The following NXPH1 variants were observed in gnomAD, a reference collection of about 807,000 sequenced individuals.
NXPH1 encodes the protein neurexophilin-1.
NXPH1 carries 5 observed loss-of-function variants against 23.7 expected under a neutral mutation model. The observed-to-expected ratio is 0.21, with a 90% CI of 0.11 to 0.44. The LOEUF is 0.44. NXPH1 is among the 20% of genes least tolerant of loss of function. NXPH1 has a pLI of 0.99. For missense variants in NXPH1, 324 were observed against 321.6 expected, an observed-to-expected ratio of 1.01 and a Z score of -0.06; for synonymous variants, 144 against 122.2, an observed-to-expected ratio of 1.18 and a Z score of -1.18.
chr7:8,646,189 C>A (rs1042467909), intron 2 of NXPH1, among the ~76,000 whole-genome samples: 2 of 151,888 alleles, frequency 1.3e-5, no homozygotes, highest in Admixed American at 6.6e-5. Flanking sequence ...CTATGATGAC[C>A]CTGTGTCACT....
chr7:8,447,993 G>A lies in NXPH1; in HGVS notation c.54+12226G>A, dbSNP rs571761895. On this transcript the variant is annotated intron_variant, in intron 2 of 2. Transcript: ENST00000405863. ...CTCCAACGAGGACCTGGCCATAACA[G>A]AGAGCAAACAGGCCTGTTTTCAGTT... is the stretch of plus-strand genomic sequence containing the variant. Among the ~76,000 whole-genome samples the A allele has an allele frequency of 4.6e-5, 7 of 152,318 alleles. No homozygotes were observed. The South Asian group carries it at 1.4e-3, about 32-fold the overall frequency.
intron 2 of NXPH1, among the ~76,000 whole-genome samples, chr7:8,728,971 G>C (rs1289351257): frequency 1.5e-5 from 2 of 133,324 alleles, no homozygotes; most frequent in Admixed American, 7.8e-5. Context: ...TCTGGTCCTG[G>C]ACTCTTTTTG....
intron 2 of NXPH1, among the ~76,000 whole-genome samples, chr7:8,484,836 C>T (rs374187431): frequency 6.6e-6 from 1 of 151,980 alleles, no homozygotes; most frequent in Non-Finnish European, 1.5e-5. Flanking sequence ...GACATTTTAC[C>T]TCTGTTATTC....
chr7:8,523,193 A>G (rs965577851), intron 2 of NXPH1, among the ~76,000 whole-genome samples: 1 of 152,186 alleles, frequency 6.6e-6, no homozygotes, highest in Non-Finnish European at 1.5e-5. Flanking sequence ...GACCTGACTG[A>G]GGTCCATCTC....
chr7:8,633,515 G>C (rs1340985520), intron 2 of NXPH1, among the ~76,000 whole-genome samples: 1 of 152,162 alleles, frequency 6.6e-6, no homozygotes, highest in Non-Finnish European at 1.5e-5. Context: ...CTACAGTGTT[G>C]CGTGACAACC....
At chr7:8,524,273 A>G (rs1182250688) in intron 2 of NXPH1, among the ~76,000 whole-genome samples, 2 of 146,336 alleles carry the variant, frequency 1.4e-5, no homozygotes, top group African/African-American at 2.5e-5. Context: ...AAGGAAAGCT[A>G]TTTTCATACT....
chr7:8,652,391 TTTC>T (rs766133359), intron 2 of NXPH1, among the ~76,000 whole-genome samples: 18 of 152,194 alleles, frequency 1.2e-4, no homozygotes, highest in Admixed American at 9.8e-4. Flanking sequence ...GGTTTTATCA[TTTC>T]TTTTTATTCA....
chr7:8,517,755 C>T (rs1230767122), intron 2 of NXPH1, among the ~76,000 whole-genome samples: 1 of 152,144 alleles, frequency 6.6e-6, no homozygotes, highest in Admixed American at 6.5e-5. Flanking sequence ...TTTTCTTATA[C>T]TCTACTTGGG....
Position 8,751,343 on chromosome 7 carries a change from A to C in NXPH1, c.390A>C (p.Thr130=), listed in dbSNP as rs375946912. Residue 130 remains threonine, a synonymous_variant, in exon 3 of 3, where the codon ACA becomes ACC. Coordinates refer to ENST00000405863, the MANE Select transcript of NXPH1 (RefSeq NM_152745.3). This position sits in a 1 kb window ranked among gnomAD's most constrained non-coding sequence, Gnocchi z 4.5. ...GWGDFHSNIK[T]VKLNLLITGK... ...GCGATTTTCATTCCAACATCAAAAC[A>C]GTGAAGCTGAACCTGTTGATAACTG... The C allele has an allele frequency of 6.2e-7, 1 of 1,613,940 alleles. No individual in the cohort carries two copies. Among genetic ancestry groups the C allele is most frequent in the Non-Finnish European group, 8.5e-7 (1 of 1,179,862 alleles).
chr7:8,453,789 A>G (rs961109243), intron 2 of NXPH1, among the ~76,000 whole-genome samples: 15 of 152,224 alleles, frequency 9.9e-5, no homozygotes, highest in African/African-American at 2.6e-4. Context: ...TCCATCTTAT[A>G]TATGTACCAA....
intron 2 of NXPH1, among the ~76,000 whole-genome samples, chr7:8,443,009 G>A (rs543019632): frequency 6.6e-6 from 1 of 152,322 alleles, no homozygotes; most frequent in East Asian, 1.9e-4. Flanking sequence ...GCTCCGCCCC[G>A]CCTGGTGCCA....
intron 2 of NXPH1, among the ~76,000 whole-genome samples, chr7:8,493,659 T>C (rs931426389): frequency 2.6e-5 from 4 of 152,082 alleles, no homozygotes; most frequent in Admixed American, 6.6e-5. Flanking sequence ...TGCCTACTTT[T>C]AGCTCACTGA....
chr7:8,526,998 T>A (rs966950234), intron 2 of NXPH1, among the ~76,000 whole-genome samples: 10 of 152,132 alleles, frequency 6.6e-5, no homozygotes, highest in African/African-American at 2.4e-4. Flanking sequence ...GATGATAATA[T>A]CTCACCAGAA....
At chr7:8,632,519 T>G (rs1820151698) in intron 2 of NXPH1, among the ~76,000 whole-genome samples, 1 of 152,148 alleles carries the variant, frequency 6.6e-6, no homozygotes, top group African/African-American at 2.4e-5. Context: ...ATCCTTTGAT[T>G]TTTCTCACTT....
intron 2 of NXPH1, among the ~76,000 whole-genome samples, chr7:8,662,312 A>T (rs963459378): frequency 7.2e-5 from 11 of 152,018 alleles, no homozygotes; most frequent in African/African-American, 2.7e-4. Flanking sequence ...ACTACATGAT[A>T]TTGATGCCTT....
intron 2 of NXPH1, among the ~76,000 whole-genome samples, chr7:8,668,803 G>T (rs1471747458): frequency 6.6e-6 from 1 of 152,106 alleles, no homozygotes; most frequent in Non-Finnish European, 1.5e-5. Context: ...TCCATTGGGG[G>T]CTGGCCTGGA....
At chr7:8,456,196 C>G (rs1215446549) in intron 2 of NXPH1, among the ~76,000 whole-genome samples, 1 of 152,148 alleles carries the variant, frequency 6.6e-6, no homozygotes, top group Non-Finnish European at 1.5e-5. Context: ...GCTTCCCCAT[C>G]TACATAAAGT....
At chr7:8,598,540 A>C (rs1434927760) in intron 2 of NXPH1, among the ~76,000 whole-genome samples, 1 of 152,096 alleles carries the variant, frequency 6.6e-6, no homozygotes, top group Non-Finnish European at 1.5e-5. Context: ...GGTTATTCCT[A>C]ACTAAGGAAC....
intron 2 of NXPH1, among the ~76,000 whole-genome samples, chr7:8,710,376 C>A (rs560620373): frequency 7.3e-4 from 111 of 152,266 alleles, no homozygotes; most frequent in Non-Finnish European, 1.4e-3. Flanking sequence ...GGGTTTTCAT[C>A]TTTTAATCAA....
Sources: allele counts gnomAD v4.1 joint callset (sites outside exome capture counted in the v4.1 genomes callset), GRCh38; gene constraint gnomAD v4.1.1; non-coding constraint Gnocchi (gnomAD v3.1); transcripts MANE v1.5; gene names NCBI Gene and HGNC (gene_info 2026-07-23, HGNC 2026-07-21).